CRTAC1: variants seen among roughly 807,000 people sequenced by gnomAD.
The protein encoded by CRTAC1 is cartilage acidic protein 1, also known as acidic secreted protein in cartilage.
CRTAC1 carries 37 observed loss-of-function variants against 67.8 expected under a neutral mutation model. The observed-to-expected ratio is 0.55, with a 90% CI of 0.42 to 0.72. CRTAC1 has a LOEUF of 0.72. Ranked by LOEUF, CRTAC1 falls within the 30% of genes least tolerant of loss-of-function variation. The probability of loss-of-function intolerance (pLI) is 0.00; values close to 1 mark genes in which losing one functional copy is unlikely to be tolerated. For synonymous variants in CRTAC1, 348 were observed against 371.0 expected (o/e 0.94, Z 0.71); for missense variants, 780 against 931.6 (o/e 0.84, Z 2.12).
chr10:97,974,697 G>T (rs1054625662), intron 2 of CRTAC1, among the ~76,000 whole-genome samples: 7 of 152,142 alleles, frequency 4.6e-5, no homozygotes, highest in African/African-American at 1.7e-4. Context: ...TCCGCTCGGG[G>T]TCACCCCTGC....
intron 14 of CRTAC1, chr10:97,879,529 T>C (rs2050183886): frequency 1.1e-6 from 1 of 877,832 alleles, no homozygotes. Context: ...CGCCCAACCT[T>C]CCCTTTTCAA....
At chr10:97,887,524 G>C (rs892209954) in intron 11 of CRTAC1, among the ~76,000 whole-genome samples, 3 of 152,208 alleles carry the variant, frequency 2.0e-5, no homozygotes, top group Non-Finnish European at 2.9e-5. Flanking sequence ...GATTATAGGC[G>C]TGAGTCACCA....
chr10:97,905,304 G>GTCCCACTC (rs1458695039), intron 6 of CRTAC1, among the ~76,000 whole-genome samples: 1 of 152,128 alleles, frequency 6.6e-6, no homozygotes, highest in Non-Finnish European at 1.5e-5. Flanking sequence ...TCTTGATCTG[G>GTCCCACTC]TCCCACTCTC....
Position 97,897,910 on chromosome 10 carries a change from C to T in CRTAC1, c.1134-919G>A, listed in dbSNP as rs533871966. Among the ~76,000 whole-genome samples, 32 of 152,286 alleles carry T rather than the reference C, an allele frequency of 2.1e-4. No homozygotes were observed. The South Asian group carries it at 6.6e-3, about 32-fold the overall frequency. ...TTGCATGTGAGAAACACCAGAGGGC[C>T]GTGATACAGTCATAGCTTCAGGAGG... On this transcript the variant is annotated intron_variant, in intron 8 of 14. Transcript: ENST00000370597.
At chr10:97,912,674 GAGGACCCAGGGATGAGGCAGCACA>G (rs1177479412) in intron 5 of CRTAC1, among the ~76,000 whole-genome samples, 1 of 152,222 alleles carries the variant, frequency 6.6e-6, no homozygotes, top group Non-Finnish European at 1.5e-5. Context: ...CTGTGGGTCT[GAGGACCCAGGGATGAGGCAGCACA>G]AGGATTCGTG....
chr10:98,006,611 G>GAC (rs1205168525), intron 2 of CRTAC1, among the ~76,000 whole-genome samples: 2 of 152,046 alleles, frequency 1.3e-5, no homozygotes, highest in Admixed American at 6.5e-5. Flanking sequence ...CCAGAACGAG[G>GAC]ACACCGAAAA....
chr10:97,958,012 C>T (rs2051468185), intron 2 of CRTAC1, among the ~76,000 whole-genome samples: 1 of 152,140 alleles, frequency 6.6e-6, no homozygotes, highest in South Asian at 2.1e-4. Context: ...CCTCCTCTAG[C>T]CTCTGCCAGG....
intron 2 of CRTAC1, among the ~76,000 whole-genome samples, chr10:97,997,660 A>T (rs746537721): frequency 4.6e-5 from 7 of 152,186 alleles, no homozygotes; most frequent in Non-Finnish European, 8.8e-5. Context: ...AAAGAATGAA[A>T]TGATGAACTC....
chr10:97,922,679 T>C (rs1358002660), intron 4 of CRTAC1, among the ~76,000 whole-genome samples: 2 of 152,162 alleles, frequency 1.3e-5, no homozygotes, highest in African/African-American at 2.4e-5. Context: ...TTCCTCCCCA[T>C]CCAGTTTGGG....
chr10:97,923,175 G>A (rs2050864707), intron 4 of CRTAC1, 89 bp downstream of exon 4: 4 of 1,510,342 alleles, frequency 2.6e-6, no homozygotes, highest in Middle Eastern at 1.7e-4. Context: ...CGCGGGAGAC[G>A]CCACTCTGTC....
At chr10:97,960,561 C>T (rs1214409984) in intron 2 of CRTAC1, among the ~76,000 whole-genome samples, 1 of 152,176 alleles carries the variant, frequency 6.6e-6, no homozygotes, top group East Asian at 1.9e-4. Flanking sequence ...ATTCTCCCAT[C>T]TATGGTCTTG....
chr10:97,933,055 G>T (rs2051025263), intron 3 of CRTAC1, among the ~76,000 whole-genome samples: 1 of 152,248 alleles, frequency 6.6e-6, no homozygotes, highest in African/African-American at 2.4e-5. Flanking sequence ...CATGCCATGG[G>T]CACAGCCAAA....
rs770748504 is a variant in CRTAC1 at position 97,895,282 on chromosome 10, G to A, written c.1449C>T (p.Tyr483=). The part of the protein sequence containing the change: ...HLRIIDGGSG[Y]LCEMEPVAHF... ...GTGCCACGGGCTCCATCTCACACAGGTAGCCTGAGCCCCCGTCGATGATCC... is the reference window on the plus strand; with the variant it reads ...GTGCCACGGGCTCCATCTCACACAGATAGCCTGAGCCCCCGTCGATGATCC... Residue 483 remains tyrosine, a synonymous_variant, in exon 11 of 15, where the codon TAC becomes TAT. Transcript: ENST00000370597. This position sits in a 1 kb window ranked among gnomAD's most constrained non-coding sequence, Gnocchi z 4.2. The A allele has an allele frequency of 1.2e-6, 2 of 1,612,974 alleles. No individual in the cohort carries two copies. The highest frequency in any genetic ancestry group is 2.7e-5 in the African/African-American group (2 of 74,890).
chr10:97,874,252 G>A (rs2136531159), intron 14 of CRTAC1, among the ~76,000 whole-genome samples: 1 of 152,312 alleles, frequency 6.6e-6, no homozygotes, highest in African/African-American at 2.4e-5. Flanking sequence ...AGGTGTTCCT[G>A]GATTTAAAGC....
intron 1 of CRTAC1, among the ~76,000 whole-genome samples, chr10:98,027,123 C>T (rs1263586763): frequency 1.3e-5 from 2 of 150,616 alleles, no homozygotes; most frequent in African/African-American, 4.9e-5. Flanking sequence ...GCCGAGATTG[C>T]GCCACTGCAC....
At chr10:97,917,365 C>A (rs1223265636) in intron 5 of CRTAC1, 135 bp downstream of exon 5, 3 of 577,304 alleles carry the variant, frequency 5.2e-6, no homozygotes, top group East Asian at 6.8e-5. Context: ...TGGAATGGAG[C>A]CTTCATCTCC....
intron 14 of CRTAC1, chr10:97,870,082 T>G (rs61547193): frequency 0.09 from 13,715 of 152,210 alleles, 1,022 homozygotes; most frequent in African/African-American, 0.2. Context: ...ACCCGAGGCG[T>G]TCAACCTTGG....
chr10:97,906,217 G>A (rs191603853), intron 6 of CRTAC1, among the ~76,000 whole-genome samples: 40 of 152,206 alleles, frequency 2.6e-4, no homozygotes, highest in Non-Finnish European at 4.7e-4. Flanking sequence ...AAGAGGGTTC[G>A]CAGAGGACTA....
chr10:97,922,907 T>C (rs991405043), intron 4 of CRTAC1, among the ~76,000 whole-genome samples: 2 of 152,184 alleles, frequency 1.3e-5, no homozygotes, highest in South Asian at 4.1e-4. Context: ...AGTGAATGAA[T>C]ACAGGCAGGA....
Sources: gnomAD v4.1 joint callset for allele counts (sites outside exome capture counted in the v4.1 genomes callset) on GRCh38, gnomAD v4.1.1 for gene constraint, Gnocchi (gnomAD v3.1) non-coding constraint, MANE v1.5 for transcripts, NCBI Gene and HGNC (gene_info 2026-07-23, HGNC 2026-07-21) for gene names.